The following PMM2 variants were observed in gnomAD, a reference collection of about 807,000 sequenced individuals.
The protein encoded by PMM2 is mannose-6-phosphate isomerase.
PMM2 carries 35 observed loss-of-function variants against 33.2 expected under a neutral mutation model. The observed-to-expected ratio is 1.06, with a 90% confidence interval of 0.81 to 1.40. The LOEUF is 1.40. Ranked by LOEUF, PMM2 falls within the 40% of genes most tolerant of loss-of-function variation. PMM2 has a pLI of 0.00. For synonymous variants in PMM2, 153 were observed against 114.7 expected (o/e 1.33, Z -2.13); for missense variants, 386 against 306.0 (o/e 1.26, Z -1.95).
At chr16:8,836,294 G>A (rs1229523402) in intron 7 of PMM2, among the ~76,000 whole-genome samples, 3 of 152,066 alleles carry the variant, frequency 2.0e-5, no homozygotes, top group Admixed American at 2.0e-4. Context: ...CAGCTGCTAA[G>A]CCGAGATCTG....
At chr16:8,804,887 T>A in intron 3 of PMM2, 44 bp downstream of exon 3, 1 of 1,284,032 alleles carries the variant, frequency 7.8e-7, no homozygotes, top group Non-Finnish European at 1.1e-6. Context: ...ATTAAAAGTG[T>A]TTTCTAAAAG....
At chr16:8,836,163 T>C (rs570409013) in intron 7 of PMM2, among the ~76,000 whole-genome samples, 1 of 137,690 alleles carries the variant, frequency 7.3e-6, no homozygotes, top group South Asian at 2.4e-4. Flanking sequence ...TAATGTGGAG[T>C]GGGTAGCCTC....
chr16:8,813,075 C>A lies in PMM2; in HGVS notation c.608C>A (p.Thr203Asn). The A allele has an allele frequency of 6.2e-7, 1 of 1,609,626 alleles. No homozygotes were observed. The highest frequency in any genetic ancestry group is 2.2e-5 in the East Asian group (1 of 44,868). Residue 203 changes from threonine (T) to asparagine (N), a missense_variant, in exon 7 of 8, where the codon ACC (threonine) becomes AAC (asparagine). Physicochemically the swap from Thr to Asn is moderately conservative, Grantham distance 65. Transcript: ENST00000268261. ...CATGTGGAAAATGACGGTTATAAGA[C>A]CATTTATTTCTTTGGAGACAAAACT... is the stretch of plus-strand genomic sequence containing the variant. ...LRHVENDGYKTIYFFGDKTMP... is the reference protein window; with the variant it reads ...LRHVENDGYKNIYFFGDKTMP...
chr16:8,824,657 A>C (rs903554354), intron 7 of PMM2, among the ~76,000 whole-genome samples: 3 of 151,732 alleles, frequency 2.0e-5, no homozygotes, highest in Non-Finnish European at 2.9e-5. Flanking sequence ...ACTTTAGGGG[A>C]CTTTTTTTTT....
intron 7 of PMM2, among the ~76,000 whole-genome samples, chr16:8,845,234 C>G (rs948520234): frequency 6.6e-6 from 1 of 152,148 alleles, no homozygotes; most frequent in Non-Finnish European, 1.5e-5. Flanking sequence ...AAAGTACATC[C>G]TCAAGAGTGG....
intron 7 of PMM2, among the ~76,000 whole-genome samples, chr16:8,822,037 C>T (rs1003087795): frequency 7.9e-5 from 12 of 152,224 alleles, no homozygotes; most frequent in Admixed American, 7.2e-4. Context: ...GGGTAATTCA[C>T]GCAGAGCTGG....
chr16:8,822,039 C>T (rs950640453), intron 7 of PMM2, among the ~76,000 whole-genome samples: 20 of 152,336 alleles, frequency 1.3e-4, no homozygotes, highest in African/African-American at 4.6e-4. Context: ...GTAATTCACG[C>T]AGAGCTGGCT....
At chr16:8,840,945 G>A (rs953098615) in intron 7 of PMM2, among the ~76,000 whole-genome samples, 17 of 152,012 alleles carry the variant, frequency 1.1e-4, no homozygotes, top group South Asian at 2.1e-4. Flanking sequence ...GAAGACAGTC[G>A]CCTAGAGGGC....
intron 7 of PMM2, among the ~76,000 whole-genome samples, chr16:8,831,030 T>C (rs1293756820): frequency 1.3e-5 from 2 of 152,110 alleles, no homozygotes; most frequent in African/African-American, 2.4e-5. Context: ...TCCCAGCTAC[T>C]CGGGAGGCTG....
chr16:8,812,060 A>G (rs1472762809), intron 6 of PMM2, among the ~76,000 whole-genome samples: 1 of 152,164 alleles, frequency 6.6e-6, no homozygotes, highest in Non-Finnish European at 1.5e-5. Flanking sequence ...ACTATAGTGA[A>G]CTCCATAAGG....
At chr16:8,847,094 C>T (rs2060930757) in intron 7 of PMM2, among the ~76,000 whole-genome samples, 1 of 152,070 alleles carries the variant, frequency 6.6e-6, no homozygotes, top group Non-Finnish European at 1.5e-5. Context: ...AAATTCCTGA[C>T]CTCAAGTGAT....
At position 8,804,780 on chromosome 16, in the gene PMM2, C is replaced by G; in HGVS notation, c.192C>G (p.Tyr64Ter). 3.1e-6 allele frequency: 5 copies of G among 1,611,976 alleles called. No homozygotes were observed. The highest frequency in any genetic ancestry group is 4.2e-6 in the Non-Finnish European group (5 of 1,178,212). The change falls in exon 3 of 8, where the codon TAC becomes TAG. Residue 64 changes from tyrosine to a stop codon, truncating the protein, a stop_gained. Transcript: ENST00000268261. LOFTEE classifies it high-confidence loss of function. Reference protein sequence around the residue: ...EQLGNDVVEKYDYVFPENGLV... With the variant: ...EQLGNDVVEK ...TTTTGATTGTAGTGGTTGAAAAATA[C>G]GATTATGTGTTTCCAGAAAATGGCT...
At chr16:8,831,557 C>G (rs2060809936) in intron 7 of PMM2, among the ~76,000 whole-genome samples, 1 of 152,130 alleles carries the variant, frequency 6.6e-6, no homozygotes. Context: ...GAGTCCCGAC[C>G]ACGAGCTACA....
intron 2 of PMM2, among the ~76,000 whole-genome samples, chr16:8,804,031 G>GTTTTGT (rs1555449087): frequency 1.1e-5 from 1 of 87,492 alleles, no homozygotes; most frequent in African/African-American, 4.6e-5. Flanking sequence ...GGTTTTTTTT[G>GTTTTGT]TTTTTTTTTT....
chr16:8,828,088 G>A (rs1243495232), intron 7 of PMM2, among the ~76,000 whole-genome samples: 8 of 131,514 alleles, frequency 6.1e-5, no homozygotes, highest in African/African-American at 2.3e-4. Context: ...CTCTAGCCAG[G>A]ATAGACAGCC....
At chr16:8,835,504 G>A (rs1450553199) in intron 7 of PMM2, among the ~76,000 whole-genome samples, 1 of 152,006 alleles carries the variant, frequency 6.6e-6, no homozygotes, top group Non-Finnish European at 1.5e-5. Flanking sequence ...AGTAAAGAAA[G>A]CATGTTTGAG....
At chr16:8,822,038 G>A (rs1035533888) in intron 7 of PMM2, among the ~76,000 whole-genome samples, 3 of 152,216 alleles carry the variant, frequency 2.0e-5, no homozygotes, top group African/African-American at 4.8e-5. Context: ...GGTAATTCAC[G>A]CAGAGCTGGC....
chr16:8,831,087 CGA>C (rs2060806870), intron 7 of PMM2, among the ~76,000 whole-genome samples: 1 of 152,016 alleles, frequency 6.6e-6, no homozygotes, highest in Admixed American at 6.5e-5. Flanking sequence ...TCCAGTGAGC[CGA>C]GAGTGTGCCA....
In PMM2 at chr16:8,847,995, C is replaced by G. The variant is rs1202057440; in HGVS notation, c.*170C>G. ...TTCCACCTCCAGTGCCAGAAACTTC[C>G]AGAAGGAAGGAGAAAACTCTTGTCA... On this transcript the variant is annotated 3_prime_UTR_variant, in exon 8 of 8. Transcript: ENST00000268261. The G allele has an allele frequency of 9.7e-6, 6 of 621,130 alleles. No individual in the cohort carries two copies. The highest frequency in any genetic ancestry group is 1.8e-5 in the South Asian group (1 of 54,406). The allele number at this position is 621,130 out of a possible 1,614,324, so 38.5% of individuals were successfully genotyped here.
Sources: gnomAD v4.1 joint callset for allele counts (sites outside exome capture counted in the v4.1 genomes callset) on GRCh38, gnomAD v4.1.1 for gene constraint, MANE v1.5 for transcripts, NCBI Gene and HGNC (gene_info 2026-07-23, HGNC 2026-07-21) for gene names.